The following HSD17B12 variants were observed in gnomAD, a reference collection of about 807,000 sequenced individuals.
HSD17B12 encodes the protein hydroxysteroid 17-beta dehydrogenase 12, also known as very-long-chain 3-oxoacyl-CoA reductase.
Under a neutral mutation model 39.3 loss-of-function variants are expected in HSD17B12, and 32 were observed. That is an observed-to-expected ratio of 0.81 (90% CI 0.61 to 1.09). HSD17B12 has a LOEUF of 1.09. HSD17B12 is among the 50% of genes least tolerant of loss of function. The probability of loss-of-function intolerance (pLI) is 0.00; values close to 1 mark genes in which losing one functional copy is unlikely to be tolerated. For synonymous variants in HSD17B12, 150 were observed against 146.7 expected, an observed-to-expected ratio of 1.02 and a Z score of -0.16; for missense variants, 342 against 382.9, an observed-to-expected ratio of 0.89 and a Z score of 0.89.
chr11:43,786,196 A>G (rs941844712), intron 3 of HSD17B12, among the ~76,000 whole-genome samples: 1 of 152,106 alleles, frequency 6.6e-6, no homozygotes, highest in African/African-American at 2.4e-5. Flanking sequence ...TCAACTCACG[A>G]CTCAATTGCA....
At chr11:43,629,801 A>C in the HSD17B12 span, among the ~76,000 whole-genome samples, 1 of 152,236 alleles carries the variant, frequency 6.6e-6, no homozygotes, top group Non-Finnish European at 1.5e-5. Context: ...ATAAATCAAC[A>C]CATTCCCCTT....
At position 43,820,867 on chromosome 11, in the gene HSD17B12, G is replaced by A. The variant is rs186865622; in HGVS notation, c.501+4476G>A. On this transcript the variant is annotated intron_variant, in intron 6 of 10. Transcript: ENST00000278353. ...TATTGTAAGGCCTGTACTGTGCCAT[G>A]AACACTGAATGACCTGGCTTTACAT... Among the ~76,000 whole-genome samples the A allele has an allele frequency of 5.7e-3, 865 of 152,304 alleles. 8 individuals carry two copies. The highest frequency in any genetic ancestry group is 0.02 in the African/African-American group (821 of 41,580).
At chr11:43,593,548 A>C in the HSD17B12 span, among the ~76,000 whole-genome samples, 112 of 152,346 alleles carry the variant, frequency 7.4e-4, no homozygotes, top group African/African-American at 2.6e-3. Context: ...ATGGTTTAGC[A>C]TCAGTATCAC....
chr11:43,619,960 C>T, the HSD17B12 span, among the ~76,000 whole-genome samples: 1 of 152,170 alleles, frequency 6.6e-6, no homozygotes, highest in Non-Finnish European at 1.5e-5. Flanking sequence ...TGAAGGCATC[C>T]ATGGGAGGTT....
the HSD17B12 span, among the ~76,000 whole-genome samples, chr11:43,624,536 TAAAG>T: frequency 6.6e-6 from 1 of 151,808 alleles, no homozygotes; most frequent in Admixed American, 6.6e-5. Context: ...ATAATTTAAA[TAAAG>T]AAAGAAATTG....
intron 1 of HSD17B12, among the ~76,000 whole-genome samples, chr11:43,684,896 T>C (rs1224135885): frequency 1.3e-5 from 2 of 152,222 alleles, no homozygotes; most frequent in Non-Finnish European, 2.9e-5. Context: ...ACTACCAATC[T>C]ACTTTCTGTC....
chr11:43,726,692 C>A (rs889223711), intron 1 of HSD17B12, among the ~76,000 whole-genome samples: 17 of 152,066 alleles, frequency 1.1e-4, no homozygotes, highest in Admixed American at 6.6e-5. Flanking sequence ...TCAAATGGAC[C>A]AAATTCTCAA....
the HSD17B12 span, among the ~76,000 whole-genome samples, chr11:43,593,621 T>C: frequency 2.0e-5 from 3 of 152,188 alleles, no homozygotes; most frequent in African/African-American, 7.2e-5. Context: ...TGACTTTATC[T>C]TCGTAAACTT....
At chr11:43,557,097 A>G in the HSD17B12 span, 1 of 152,124 alleles carries the variant, frequency 6.6e-6, no homozygotes, top group African/African-American at 2.4e-5. Flanking sequence ...TCTTTGTACA[A>G]ATTGCCTAGA....
chr11:43,824,105 T>C (rs1425164117), intron 6 of HSD17B12, among the ~76,000 whole-genome samples: 1 of 152,156 alleles, frequency 6.6e-6, no homozygotes, highest in African/African-American at 2.4e-5. Context: ...CCTGAATTAC[T>C]ACATGGCAGC....
the HSD17B12 span, among the ~76,000 whole-genome samples, chr11:43,583,399 T>C: frequency 6.6e-6 from 1 of 152,212 alleles, no homozygotes; most frequent in Non-Finnish European, 1.5e-5. Flanking sequence ...GAGAAGCTCC[T>C]GCTGCTGCAG....
the HSD17B12 span, among the ~76,000 whole-genome samples, chr11:43,657,289 G>A: frequency 2.0e-5 from 3 of 152,158 alleles, no homozygotes; most frequent in Non-Finnish European, 2.9e-5. Context: ...TTGAGCCTAT[G>A]TGTGTCTCTG....
the HSD17B12 span, chr11:43,645,131 T>C: frequency 6.6e-6 from 1 of 152,234 alleles, no homozygotes; most frequent in Non-Finnish European, 1.5e-5. Flanking sequence ...TGATCTTTGA[T>C]ATTGGGTACT....
the HSD17B12 span, among the ~76,000 whole-genome samples, chr11:43,659,243 A>G: frequency 9.8e-5 from 15 of 152,318 alleles, 1 homozygote; most frequent in Middle Eastern, 3.4e-3. Flanking sequence ...CCATCGGAAG[A>G]GCGCAGTATT....
At chr11:43,680,622 A>G (rs1343905067), upstream of HSD17B12, 1 of 584,228 alleles carries the variant, frequency 1.7e-6, no homozygotes, top group Non-Finnish European at 3.1e-6. Context: ...AACTGGAGTC[A>G]GCTAATGGCT....
chr11:43,707,096 C>T (rs1394651235), intron 1 of HSD17B12, among the ~76,000 whole-genome samples: 3 of 152,098 alleles, frequency 2.0e-5, no homozygotes, highest in African/African-American at 7.2e-5. Flanking sequence ...TCTCTCCACA[C>T]CCCATAGTTA....
Position 43,798,319 on chromosome 11 carries a change from G to A in HSD17B12, c.284-1G>A. On this transcript the variant is annotated splice_acceptor_variant, in intron 3 of 10. Coordinates refer to ENST00000278353, the MANE Select transcript of HSD17B12 (RefSeq NM_016142.3). LOFTEE classifies it high-confidence loss of function. Reference sequence around the variant, plus strand: ...CCCGTTTGTGTTTTCTTTTTCCCTAGAAGAAAAATTCAAAGTGGAGACAAG... The same window carrying A: ...CCCGTTTGTGTTTTCTTTTTCCCTAAAAGAAAAATTCAAAGTGGAGACAAG... The A allele has an allele frequency of 6.3e-7, 1 of 1,591,562 alleles. No homozygotes were observed.
chr11:43,754,986 C>G, intron 3 of HSD17B12: 1 of 657,572 alleles, frequency 1.5e-6, no homozygotes. Flanking sequence ...AACATACTAA[C>G]TGATGTCCCC....
At chr11:43,766,219 G>A (rs1157546843) in intron 3 of HSD17B12, among the ~76,000 whole-genome samples, 1 of 152,144 alleles carries the variant, frequency 6.6e-6, no homozygotes, top group Non-Finnish European at 1.5e-5. Context: ...TTGTCTACGA[G>A]TTCCTCAATT....
Sources: allele counts gnomAD v4.1 joint callset (sites outside exome capture counted in the v4.1 genomes callset), GRCh38; gene constraint gnomAD v4.1.1; transcripts MANE v1.5; gene names NCBI Gene and HGNC (gene_info 2026-07-23, HGNC 2026-07-21).